Variants in ATP8A2 observed in about 807,000 individuals in gnomAD.
ATP8A2 encodes ATPase phospholipid transporting 8A2, also known as phospholipid-transporting ATPase IB.
Under a neutral mutation model 165.6 loss-of-function variants are expected in ATP8A2, and 100 were observed. The ratio of observed to expected loss-of-function variants is 0.60; its 90% CI spans 0.51 to 0.71. ATP8A2 has a LOEUF of 0.71. Ranked by LOEUF, ATP8A2 falls within the 30% of genes least tolerant of loss-of-function variation. The probability of loss-of-function intolerance (pLI) is 0.00; values close to 1 mark genes in which losing one functional copy is unlikely to be tolerated. For missense variants in ATP8A2, 1,227 were observed against 1,479.5 expected (o/e 0.83, Z 2.80); for synonymous variants, 543 against 548.8 (o/e 0.99, Z 0.15).
At chr13:25,695,377 G>T (rs994482256) in intron 24 of ATP8A2, among the ~76,000 whole-genome samples, 1 of 152,186 alleles carries the variant, frequency 6.6e-6, no homozygotes, top group Non-Finnish European at 1.5e-5. Flanking sequence ...GTTGCTGAAG[G>T]TTGGGGTGGT....
intron 16 of ATP8A2, among the ~76,000 whole-genome samples, chr13:25,569,822 GA>G (rs2039415202): frequency 6.6e-6 from 1 of 152,152 alleles, no homozygotes; most frequent in Non-Finnish European, 1.5e-5. Flanking sequence ...ATGGAAATAA[GA>G]TTCCATTCAT....
chr13:25,402,803 G>A (rs765656132), intron 1 of ATP8A2, among the ~76,000 whole-genome samples: 69 of 152,148 alleles, frequency 4.5e-4, no homozygotes, highest in Non-Finnish European at 8.2e-4. Context: ...TGGTTGGGCT[G>A]CTATAATGAA....
chr13:25,902,446 G>A (rs1953781724), intron 33 of ATP8A2, among the ~76,000 whole-genome samples: 1 of 151,990 alleles, frequency 6.6e-6, no homozygotes, highest in African/African-American at 2.4e-5. Context: ...CCCCATATCT[G>A]GTGGGCAAAG....
chr13:25,716,778 C>T (rs1476168671), intron 25 of ATP8A2, among the ~76,000 whole-genome samples: 1 of 152,048 alleles, frequency 6.6e-6, no homozygotes, highest in Non-Finnish European at 1.5e-5. Context: ...ATAGCCCTGG[C>T]CTCATGGAGC....
chr13:25,930,848 T>C (rs1954753262), intron 33 of ATP8A2, among the ~76,000 whole-genome samples: 1 of 152,202 alleles, frequency 6.6e-6, no homozygotes, highest in African/African-American at 2.4e-5. Context: ...GCAGCCGACC[T>C]GTCACGCCTC....
chr13:25,583,458 C>T lies in ATP8A2; in HGVS notation c.2146+1501C>T, dbSNP rs7325763. 9.6e-3 allele frequency among the ~76,000 whole-genome samples: 1,466 copies of T among 152,194 alleles called. 23 individuals are homozygous for T. Among genetic ancestry groups the T allele is most frequent in the African/African-American group, 0.034 (1,402 of 41,506 alleles). On this transcript the variant is annotated intron_variant, in intron 23 of 36. Transcript: ENST00000381655. ...TAGTTTTCCAGATCTTGAGCGTTCC[C>T]GCTGGCCTAATAACCTATGCGTGTC...
chr13:26,000,507 A>G (rs1593696353), intron 35 of ATP8A2, among the ~76,000 whole-genome samples: 1 of 152,126 alleles, frequency 6.6e-6, no homozygotes. Flanking sequence ...TTGAGGCAGG[A>G]GCATAACACC....
At chr13:25,555,114 G>C in intron 13 of ATP8A2, 46 bp downstream of exon 13, 1 of 1,352,960 alleles carries the variant, frequency 7.4e-7, no homozygotes, top group South Asian at 1.2e-5. Flanking sequence ...ACGAGCATGA[G>C]GGAAAATGAG....
At chr13:25,733,775 C>G (rs185690649) in intron 25 of ATP8A2, among the ~76,000 whole-genome samples, 1 of 152,262 alleles carries the variant, frequency 6.6e-6, no homozygotes, top group African/African-American at 2.4e-5. Context: ...CTTGAGAATT[C>G]ATCAGTTCCA....
In ATP8A2 at chr13:25,791,542, T is replaced by TACACACACACACACAC. The variant is rs55661899; in HGVS notation, c.2679+16602_2679+16617dup. On this transcript the variant is annotated intron_variant, in intron 27 of 36. Coordinates refer to ENST00000381655, the MANE Select transcript of ATP8A2 (RefSeq NM_016529.6). ...CCCCGAACTTAAACACACACACACATACACACACACACACACACACACACA... is the reference window on the plus strand; with the variant it reads ...CCCCGAACTTAAACACACACACACATACACACACACACACACACACACACACACACACACACACACA... Among the ~76,000 whole-genome samples, 681 of 143,042 alleles carry TACACACACACACACAC rather than the reference T, an allele frequency of 4.8e-3. 4 individuals are homozygous for TACACACACACACACAC. Among genetic ancestry groups the TACACACACACACACAC allele is most frequent in the African/African-American group, 0.015 (584 of 38,258 alleles). The allele number at this position is 143,042 out of a possible 152,430, so 93.8% of individuals were successfully genotyped here.
intron 23 of ATP8A2, among the ~76,000 whole-genome samples, chr13:25,586,164 A>G (rs1489120263): frequency 5.9e-5 from 9 of 152,210 alleles, no homozygotes; most frequent in Admixed American, 5.9e-4. Context: ...AACTTAGTCT[A>G]GGTCATACAG....
chr13:25,851,797 G>A (rs2138712595), intron 30 of ATP8A2, among the ~76,000 whole-genome samples: 1 of 152,200 alleles, frequency 6.6e-6, no homozygotes, highest in African/African-American at 2.4e-5. Context: ...CCAGCTTCAT[G>A]AATTGCGTTG....
At chr13:25,561,301 A>T (rs2039146521) in intron 15 of ATP8A2, among the ~76,000 whole-genome samples, 2 of 151,908 alleles carry the variant, frequency 1.3e-5, no homozygotes, top group Non-Finnish European at 2.9e-5. Context: ...GCATCTCTTG[A>T]TAGTCAGATA....
chr13:25,675,510 A>G (rs531900844), intron 24 of ATP8A2, among the ~76,000 whole-genome samples: 5 of 152,358 alleles, frequency 3.3e-5, no homozygotes, highest in African/African-American at 1.2e-4. Flanking sequence ...TGTGTAAATA[A>G]TAAGTTTTAT....
intron 24 of ATP8A2, among the ~76,000 whole-genome samples, chr13:25,697,381 T>A (rs2042855817): frequency 2.6e-5 from 4 of 152,090 alleles, no homozygotes; most frequent in Admixed American, 2.6e-4. Flanking sequence ...CCAGGTTCAA[T>A]TGATTCTCCT....
chr13:25,534,291 G>A (rs1046154532), intron 6 of ATP8A2: 14 of 497,458 alleles, frequency 2.8e-5, no homozygotes, highest in East Asian at 5.7e-5. Context: ...TCAACCTCAC[G>A]TTTGGAAAGG....
chr13:25,644,142 G>T (rs2041609994), intron 24 of ATP8A2, among the ~76,000 whole-genome samples: 1 of 151,870 alleles, frequency 6.6e-6, no homozygotes. Context: ...TTTTTTGGTG[G>T]AATCTTTAGG....
chr13:25,487,977 G>T (rs1025864862), intron 2 of ATP8A2, among the ~76,000 whole-genome samples: 4 of 152,022 alleles, frequency 2.6e-5, no homozygotes, highest in Non-Finnish European at 5.9e-5. Context: ...CCATGATTTC[G>T]CTGAGTCTGA....
At chr13:25,735,236 C>T (rs1445766271) in intron 25 of ATP8A2, among the ~76,000 whole-genome samples, 1 of 152,028 alleles carries the variant, frequency 6.6e-6, no homozygotes, top group Admixed American at 6.6e-5. Flanking sequence ...TTCGAGGACA[C>T]TGAAGGAGAA....
Sources: gnomAD v4.1 joint callset for allele counts (sites outside exome capture counted in the v4.1 genomes callset) on GRCh38, gnomAD v4.1.1 for gene constraint, MANE v1.5 for transcripts, NCBI Gene and HGNC (gene_info 2026-07-23, HGNC 2026-07-21) for gene names.